Variants in TTC3 observed in about 807,000 individuals in gnomAD.
The protein encoded by TTC3 is E3 ubiquitin-protein ligase TTC3.
Under a neutral mutation model 249.6 loss-of-function variants are expected in TTC3, and 180 were observed. The ratio of observed to expected loss-of-function variants is 0.72; its 90% CI spans 0.64 to 0.82. TTC3 has a LOEUF of 0.82. Ranked by LOEUF, TTC3 falls within the 40% of genes least tolerant of loss-of-function variation. The pLI is 0.00. For missense variants in TTC3, 2,061 were observed against 2,398.4 expected, an observed-to-expected ratio of 0.86 and a Z score of 2.94; for synonymous variants, 717 against 805.0, an observed-to-expected ratio of 0.89 and a Z score of 1.85.
At chr21:37,094,622 G>A (rs1446216483) in intron 8 of TTC3, among the ~76,000 whole-genome samples, 2 of 151,942 alleles carry the variant, frequency 1.3e-5, no homozygotes, top group Non-Finnish European at 2.9e-5. Flanking sequence ...ATGTTTTTCG[G>A]CACTAAGGCT....
intron 39 of TTC3, among the ~76,000 whole-genome samples, chr21:37,190,542 T>C (rs992189973): frequency 6.6e-6 from 1 of 152,188 alleles, no homozygotes; most frequent in Non-Finnish European, 1.5e-5. Context: ...TGAGACCAAG[T>C]GGTAGTCAAC....
intron 10 of TTC3, among the ~76,000 whole-genome samples, chr21:37,103,059 C>A (rs909806436): frequency 5.9e-5 from 9 of 152,116 alleles, no homozygotes; most frequent in Non-Finnish European, 1.2e-4. Context: ...TGATTAGTGT[C>A]CCTCCCTCAC....
At chr21:37,079,299 T>C (rs1034522733) in intron 1 of TTC3, among the ~76,000 whole-genome samples, 14 of 152,138 alleles carry the variant, frequency 9.2e-5, no homozygotes, top group African/African-American at 3.4e-4. Context: ...GAATAGTTCC[T>C]CTTTTTCTGT....
intron 1 of TTC3, among the ~76,000 whole-genome samples, chr21:37,080,450 A>T (rs2071481636): frequency 6.6e-6 from 1 of 151,616 alleles, no homozygotes; most frequent in East Asian, 1.9e-4. Context: ...TGAAGAGTAT[A>T]TATTCTGTAA....
chr21:37,198,532 A>T (rs2085161163), intron 44 of TTC3, among the ~76,000 whole-genome samples: 1 of 152,246 alleles, frequency 6.6e-6, no homozygotes, highest in Admixed American at 6.5e-5. Flanking sequence ...GTTTGTAGTA[A>T]CGAAGATATA....
chr21:37,185,687 G>C lies in TTC3; in HGVS notation c.4758-19G>C, dbSNP rs2083185833. The C allele has an allele frequency of 1.3e-6, 2 of 1,482,424 alleles. No homozygotes were observed. The highest frequency in any genetic ancestry group is 9.0e-7 in the Non-Finnish European group (1 of 1,112,220). 91.8% of individuals were successfully genotyped at this position (1,482,424 alleles called of 1,614,324 possible). ...AATTTTTCAAAATTAATTAATATTT[G>C]GTGATTATGCTTTTATAGGTATACC... On this transcript the variant is annotated intron_variant, in intron 36 of 45. Transcript: ENST00000355666.
At chr21:37,150,207 C>A (rs1379213299) in intron 24 of TTC3, 37 bp downstream of exon 24, 2 of 1,433,362 alleles carry the variant, frequency 1.4e-6, no homozygotes, top group African/African-American at 1.4e-5. Flanking sequence ...AGATAGATAA[C>A]CAAAATGTTT....
intron 17 of TTC3, among the ~76,000 whole-genome samples, chr21:37,134,113 G>A (rs2077709042): frequency 6.6e-6 from 1 of 152,030 alleles, no homozygotes; most frequent in African/African-American, 2.4e-5. Flanking sequence ...TCTTTTCTAT[G>A]CATATTCTGG....
Position 37,196,142 on chromosome 21 carries a change from A to G in TTC3, c.5579+106A>G, listed in dbSNP as rs2084880715. On this transcript the variant is annotated intron_variant, in intron 42 of 45. Transcript: ENST00000355666. ...TAGGTGTTAACATGAAAAGGGTTGC[A>G]TAATTGTTTTGCTCAGAAAGACAGT... is the stretch of plus-strand genomic sequence containing the variant. 2.1e-6 allele frequency: 3 copies of G among 1,440,288 alleles called. No individual in the cohort carries two copies. In the South Asian group the frequency reaches 4.3e-5, roughly 21 times the overall value. The allele number at this position is 1,440,288 out of a possible 1,614,324, so 89.2% of individuals were successfully genotyped here.
chr21:37,111,536 C>T (rs1450545954), intron 11 of TTC3, among the ~76,000 whole-genome samples: 1 of 152,180 alleles, frequency 6.6e-6, no homozygotes, highest in African/African-American at 2.4e-5. Flanking sequence ...CAGGAGCACC[C>T]AGATTCATAC....
At chr21:37,150,106 C>T in exon 24 of TTC3, 1 of 1,611,548 alleles carries the variant, frequency 6.2e-7, no homozygotes, top group Non-Finnish European at 8.5e-7. Flanking sequence ...TGTCTTACCC[C>T]TGACTGTGAA....
At chr21:37,141,582 A>G (rs2147963151) in intron 20 of TTC3, among the ~76,000 whole-genome samples, 1 of 152,290 alleles carries the variant, frequency 6.6e-6, no homozygotes, top group South Asian at 2.1e-4. Context: ...AGCCTGACCA[A>G]TATGTTGAAA....
intron 40 of TTC3, 74 bp downstream of exon 40, chr21:37,191,498 T>C (rs1255435545): frequency 4.5e-6 from 4 of 882,382 alleles, no homozygotes; most frequent in African/African-American, 1.8e-5. Flanking sequence ...TGGTGTCATA[T>C]TGAATCTATT....
intron 7 of TTC3, among the ~76,000 whole-genome samples, chr21:37,092,546 C>T (rs796893284): frequency 2.6e-5 from 4 of 152,282 alleles, no homozygotes; most frequent in African/African-American, 9.6e-5. Context: ...TAGCAGTGAG[C>T]ACACTGACTT....
chr21:37,132,582 G>A, intron 16 of TTC3, 100 bp from the exon 17 acceptor site: 2 of 782,494 alleles, frequency 2.6e-6, no homozygotes, highest in Non-Finnish European at 3.8e-6. Context: ...CAAAGTGCTG[G>A]GATTACAGGT....
At chr21:37,117,848 A>G (rs548405639) in intron 11 of TTC3, among the ~76,000 whole-genome samples, 2 of 150,742 alleles carry the variant, frequency 1.3e-5, no homozygotes, top group Non-Finnish European at 3.0e-5. Context: ...AAAAAAAAAA[A>G]AAAAAGAAAA....
At chr21:37,121,978 A>G (rs1009878672) in exon 12 of TTC3, 2 of 1,605,572 alleles carry the variant, frequency 1.2e-6, no homozygotes, top group African/African-American at 1.3e-5. Flanking sequence ...AAGACCTACA[A>G]GGTATTTCAC....
intron 16 of TTC3, among the ~76,000 whole-genome samples, chr21:37,130,854 C>T (rs1243550727): frequency 6.6e-6 from 1 of 151,934 alleles, no homozygotes; most frequent in Non-Finnish European, 1.5e-5. Context: ...GCACATACAC[C>T]TTTGTGCACC....
chr21:37,198,156 T>G, intron 44 of TTC3, 131 bp downstream of exon 44: 5 of 1,132,862 alleles, frequency 4.4e-6, no homozygotes, highest in Non-Finnish European at 6.0e-6. Flanking sequence ...TGAATTTCAA[T>G]GTACTTGAAT....
Sources: gnomAD v4.1 joint callset for allele counts (sites outside exome capture counted in the v4.1 genomes callset) on GRCh38, gnomAD v4.1.1 for gene constraint, MANE v1.5 for transcripts, NCBI Gene and HGNC (gene_info 2026-07-23, HGNC 2026-07-21) for gene names.